ALDH4A1: variants seen among roughly 807,000 people sequenced by gnomAD.
ALDH4A1 encodes aldehyde dehydrogenase 4 family member A1.
ALDH4A1 carries 46 observed loss-of-function variants against 70.5 expected under a neutral mutation model. The observed-to-expected ratio is 0.65, with a 90% CI of 0.51 to 0.83. ALDH4A1 has a LOEUF of 0.83. ALDH4A1 is among the 40% of genes least tolerant of loss of function. ALDH4A1 has a pLI of 0.00. For synonymous variants in ALDH4A1, 323 were observed against 324.3 expected, an observed-to-expected ratio of 1.00 and a Z score of 0.04; for missense variants, 749 against 766.5, an observed-to-expected ratio of 0.98 and a Z score of 0.27.
At chr1:18,885,152 G>A (rs758966938) in intron 5 of ALDH4A1, 16 of 404,498 alleles carry the variant, frequency 4.0e-5, no homozygotes, top group Non-Finnish European at 6.5e-5. Context: ...GCGAGGGGCT[G>A]ACCAAGCTAG....
chr1:18,900,825 C>T, intron 1 of ALDH4A1: 1 of 981,082 alleles, frequency 1.0e-6, no homozygotes. Flanking sequence ...TCATATATCT[C>T]TGATGGCAGA....
chr1:18,876,741 CATCA>C (rs1934707774), intron 11 of ALDH4A1, among the ~76,000 whole-genome samples: 1 of 151,436 alleles, frequency 6.6e-6, no homozygotes, highest in African/African-American at 2.4e-5. Context: ...CACAGACACA[CATCA>C]ATCAATGCAT....
intron 8 of ALDH4A1, 121 bp from the exon 9 acceptor site, chr1:18,879,494 G>A (rs1934876859): frequency 1.2e-6 from 1 of 850,696 alleles, no homozygotes; most frequent in Admixed American, 2.0e-5. Context: ...AGTCGGGGAT[G>A]GCGGCTGGGA....
intron 1 of ALDH4A1, among the ~76,000 whole-genome samples, chr1:18,896,117 C>T (rs1935607423): frequency 6.6e-6 from 1 of 152,096 alleles, no homozygotes. Context: ...CTATCGGATT[C>T]CTCTCATAGC....
chr1:18,890,815 C>CCTT (rs149175619), intron 1 of ALDH4A1: 13,254 of 985,464 alleles, frequency 0.013, 338 homozygotes, highest in African/African-American at 0.092. Flanking sequence ...GACCCAAACT[C>CCTT]CTCTCTCTAA....
At position 18,883,945 on chromosome 1, in the gene ALDH4A1, A is replaced by G. The variant is rs79241630; in HGVS notation, c.454-517T>C. Among the ~76,000 whole-genome samples, 828 of 152,314 alleles carry G rather than the reference A, an allele frequency of 5.4e-3. 16 individuals carry two copies. Among genetic ancestry groups the G allele is most frequent in the South Asian group, 0.044 (212 of 4,820 alleles). ...AAAAACCAAGAGGCGAGTGACTGTG[A>G]TTCCCTTAAACCGTCAATTCTTAAT... On this transcript the variant is annotated intron_variant, in intron 5 of 14. Transcript: ENST00000375341.
chr1:18,902,382 C>A, intron 1 of ALDH4A1, 80 bp downstream of exon 1: 1 of 1,183,428 alleles, frequency 8.5e-7, no homozygotes. Context: ...GGGAGTGCGG[C>A]GCGGGGGACG....
chr1:18,876,064 G>GACGT lies in ALDH4A1; in HGVS notation c.1338+247_1338+250dup, dbSNP rs1934666764. 2.0e-5 allele frequency among the ~76,000 whole-genome samples: 3 copies of GACGT among 152,350 alleles called. No individual in the cohort carries two copies. In the South Asian group the frequency reaches 6.2e-4, roughly 32 times the overall value. On this transcript the variant is annotated intron_variant, in intron 12 of 14. Transcript: ENST00000375341. ...GTCAGCCATTATGATGGCTGCAGTG[G>GACGT]ACGTGGTTGCTGAGGGCACTGGAAA...
intron 1 of ALDH4A1, among the ~76,000 whole-genome samples, chr1:18,899,818 T>A (rs1196210855): frequency 1.3e-5 from 2 of 152,214 alleles, no homozygotes; most frequent in African/African-American, 2.4e-5. Flanking sequence ...CTGGCCGTGA[T>A]AAATATCGAT....
intron 1 of ALDH4A1, among the ~76,000 whole-genome samples, chr1:18,894,079 C>T (rs1935533308): frequency 6.6e-6 from 1 of 152,210 alleles, no homozygotes; most frequent in Admixed American, 6.5e-5. Flanking sequence ...CCCTCCTGCT[C>T]TTGCTTTCCA....
chr1:18,877,501 C>T lies in ALDH4A1; in HGVS notation c.1052G>A (p.Cys351Tyr), dbSNP rs1244702417. ...FEYGGQKCSA[C>Y]SRLYVPHSLW... ...CGAGTGCGGCACGTAGAGACGCGAG[C>T]ACGCGGAACACTTCTGGCCACCGTA... The change falls in exon 10 of 15, where the codon TGC becomes TAC. Residue 351 changes from cysteine (C) to tyrosine (Y), a missense_variant. Transcript: ENST00000375341. The T allele has an allele frequency of 5.0e-6, 8 of 1,608,308 alleles. No individual in the cohort carries two copies. Among genetic ancestry groups the T allele is most frequent in the Non-Finnish European group, 6.8e-6 (8 of 1,177,744 alleles).
intron 3 of ALDH4A1, among the ~76,000 whole-genome samples, chr1:18,886,843 A>G (rs1407159436): frequency 6.6e-6 from 1 of 152,150 alleles, no homozygotes; most frequent in African/African-American, 2.4e-5. Context: ...TCTGCCACCT[A>G]CTAGCTGTGG....
At position 18,875,416 on chromosome 1, in the gene ALDH4A1, A is replaced by T; in HGVS notation, c.1426T>A (p.Tyr476Asn). 1 of 1,614,138 alleles carries T rather than the reference A, an allele frequency of 6.2e-7. No individual in the cohort carries two copies. The change falls in exon 13 of 15, where the codon TAT becomes AAT. Residue 476 changes from tyrosine (Y) to asparagine (N), a missense_variant. Transcript: ENST00000375341. ...TLQLVDSTTS[Y>N]GLTGAVFSQD... The stretch of plus-strand genomic sequence containing the variant: ...GAGAACACTGCCCCCGTGAGGCCAT[A>T]GCTGGTGGTGCTGTCAACCAGCTGC...
At chr1:18,893,058 G>A (rs1184245630) in intron 1 of ALDH4A1, among the ~76,000 whole-genome samples, 1 of 152,178 alleles carries the variant, frequency 6.6e-6, no homozygotes, top group Non-Finnish European at 1.5e-5. Context: ...CAAAGATGGT[G>A]AGCCAGATAT....
intron 1 of ALDH4A1, chr1:18,897,193 G>A (rs886622217): frequency 4.4e-6 from 2 of 452,316 alleles, no homozygotes; most frequent in African/African-American, 2.0e-5. Context: ...GAACTTGGGA[G>A]TAGGGATGCT....
chr1:18,886,173 C>T (rs1469006085), intron 4 of ALDH4A1, among the ~76,000 whole-genome samples: 3 of 152,202 alleles, frequency 2.0e-5, no homozygotes, highest in Non-Finnish European at 4.4e-5. Flanking sequence ...CCAGAATCCA[C>T]CTCCTCCCCA....
chr1:18,873,122 C>G (rs945562014), intron 14 of ALDH4A1, among the ~76,000 whole-genome samples, 165 bp from the exon 15 acceptor site: 9 of 152,134 alleles, frequency 5.9e-5, no homozygotes, highest in African/African-American at 1.9e-4. Flanking sequence ...GACAGGAGAC[C>G]CTGCCTCCAG....
At chr1:18,884,682 G>A (rs1006829449) in intron 5 of ALDH4A1, among the ~76,000 whole-genome samples, 5 of 152,144 alleles carry the variant, frequency 3.3e-5, no homozygotes, top group Non-Finnish European at 7.3e-5. Context: ...GCTTGTAAAG[G>A]GGCAGTACCT....
intron 1 of ALDH4A1, chr1:18,890,929 G>C (rs1935409527): frequency 1.0e-6 from 1 of 981,538 alleles, no homozygotes; most frequent in Non-Finnish European, 1.2e-6. Context: ...GAATGTCCAA[G>C]ATGTGGACCA....
Sources: allele counts gnomAD v4.1 joint callset (sites outside exome capture counted in the v4.1 genomes callset), GRCh38; gene constraint gnomAD v4.1.1; transcripts MANE v1.5; gene names NCBI Gene and HGNC (gene_info 2026-07-23, HGNC 2026-07-21).